The following CLASP1 variants were observed in gnomAD, a reference collection of about 807,000 sequenced individuals.
The protein encoded by CLASP1 is cytoplasmic linker associated protein 1.
A neutral mutation model predicts 192.3 loss-of-function variants in CLASP1; 38 were observed. The ratio of observed to expected loss-of-function variants is 0.20; its 90% CI spans 0.15 to 0.26. The LOEUF (loss-of-function observed/expected upper bound fraction) is 0.26, where lower values mean the gene tolerates loss of function less well. Ranked by LOEUF, CLASP1 falls within the 10% of genes least tolerant of loss-of-function variation. The pLI, the probability that CLASP1 is intolerant of heterozygous loss-of-function variation, is 1.00. For synonymous variants in CLASP1, 691 were observed against 712.8 expected (o/e 0.97, Z 0.49); for missense variants, 1,433 against 1,932.5 (o/e 0.74, Z 4.85).
At chr2:121,450,496 T>A (rs1370030578) in intron 16 of CLASP1, among the ~76,000 whole-genome samples, 1 of 152,168 alleles carries the variant, frequency 6.6e-6, no homozygotes, top group Non-Finnish European at 1.5e-5. Flanking sequence ...CCCCTTAATA[T>A]GATTCACACC....
At chr2:121,627,671 T>C (rs2068645383) in intron 1 of CLASP1, among the ~76,000 whole-genome samples, 1 of 152,188 alleles carries the variant, frequency 6.6e-6, no homozygotes, top group Non-Finnish European at 1.5e-5. Flanking sequence ...AGATTCATAC[T>C]CCTCAGTATG....
chr2:121,355,818 TATTCAAAGAGGACAGG>T (rs1228021546), intron 37 of CLASP1, among the ~76,000 whole-genome samples: 1 of 152,220 alleles, frequency 6.6e-6, no homozygotes, highest in Non-Finnish European at 1.5e-5. Flanking sequence ...GGTGAGGGAC[TATTCAAAGAGGACAGG>T]ATCAAAAAGA....
At chr2:121,624,050 G>A (rs547045252) in intron 1 of CLASP1, among the ~76,000 whole-genome samples, 3 of 151,836 alleles carry the variant, frequency 2.0e-5, no homozygotes, top group South Asian at 2.1e-4. Context: ...TATTAATCTA[G>A]CTCAAGGTTT....
intron 2 of CLASP1, among the ~76,000 whole-genome samples, chr2:121,592,646 G>GC (rs113575998): frequency 0.014 from 2,111 of 150,992 alleles, 51 homozygotes; most frequent in African/African-American, 0.048. Flanking sequence ...ATTAATAACT[G>GC]TTTTTTTTTG....
In CLASP1 at chr2:121,457,615, T is replaced by C. The variant is rs963808884; in HGVS notation, c.1385+72A>G. The stretch of plus-strand genomic sequence containing the variant: ...CATGTTATACATGAAATTTTATCCA[T>C]GGAAGGAGATTTGGAATTTGTTTTG... On this transcript the variant is annotated intron_variant, in intron 14 of 39. Coordinates refer to ENST00000263710, the Ensembl canonical transcript of CLASP1. 17 of 1,168,540 alleles carry C rather than the reference T, an allele frequency of 1.5e-5. No individual in the cohort carries two copies. The African/African-American group carries it at 1.5e-4, about 10-fold the overall frequency. 72.4% of individuals were successfully genotyped at this position (1,168,540 alleles called of 1,614,324 possible). A position where few individuals can be genotyped will look rare whatever the true frequency, so the allele number is the denominator to read the frequency against.
At position 121,378,928 on chromosome 2, in the gene CLASP1, T is replaced by A. The variant is rs117067620; in HGVS notation, c.3492-1279A>T. 2.7e-5 allele frequency among the ~76,000 whole-genome samples: 4 copies of A among 146,444 alleles called. No homozygotes were observed. In the East Asian group the frequency reaches 6.0e-4, roughly 22 times the overall value. The stretch of plus-strand genomic sequence containing the variant: ...TGAGTTTCCTGTAATGTAAAAATGA[T>A]GAACATTTAGTAAATACTCTTCCTT... On this transcript the variant is annotated intron_variant, in intron 33 of 39. Transcript: ENST00000263710.
chr2:121,461,036 A>T (rs985747928), intron 11 of CLASP1, 65 bp downstream of exon 11: 3 of 982,562 alleles, frequency 3.1e-6, no homozygotes, highest in African/African-American at 3.3e-5. Flanking sequence ...CAATTTCACA[A>T]TAAAGTATTT....
At chr2:121,483,292 A>T (rs1033839172) in intron 8 of CLASP1, among the ~76,000 whole-genome samples, 1 of 152,216 alleles carries the variant, frequency 6.6e-6, no homozygotes, top group Admixed American at 6.5e-5. Flanking sequence ...CTGTGGAAAC[A>T]GGATGACTAT....
At chr2:121,565,650 C>T (rs972318495) in intron 2 of CLASP1, among the ~76,000 whole-genome samples, 2 of 152,178 alleles carry the variant, frequency 1.3e-5, no homozygotes, top group African/African-American at 2.4e-5. Flanking sequence ...GCTGCAGAGA[C>T]AGCTGATGCC....
At chr2:121,351,201 C>T (rs192989865) in intron 37 of CLASP1, among the ~76,000 whole-genome samples, 85 of 152,318 alleles carry the variant, frequency 5.6e-4, no homozygotes, top group African/African-American at 2.0e-3. Flanking sequence ...AGCCCTTCTG[C>T]TGAACTACAA....
intron 2 of CLASP1, among the ~76,000 whole-genome samples, chr2:121,543,285 G>A (rs1158387447): frequency 1.3e-5 from 2 of 152,052 alleles, no homozygotes; most frequent in African/African-American, 4.8e-5. Flanking sequence ...AGGACAGTAA[G>A]GCCACATCTC....
exon 10 of CLASP1, chr2:121,462,548 T>A: frequency 6.3e-7 from 1 of 1,591,752 alleles, no homozygotes; most frequent in Non-Finnish European, 8.6e-7. Flanking sequence ...TACAGGTACA[T>A]CATCAAATGC....
In CLASP1 at chr2:121,460,183, C is replaced by T. The variant is rs145541320; in HGVS notation, c.1033-58G>A. 2.2e-3 allele frequency: 2,981 copies of T among 1,367,220 alleles called. 11 individuals carry two copies. The highest frequency in any genetic ancestry group is 3.5e-3 in the Middle Eastern group (17 of 4,910). 84.7% of individuals were successfully genotyped at this position (1,367,220 alleles called of 1,614,324 possible). ...AAACAATTCTAACACAGACTATACA[C>T]AACAAAAGAAGTCATCAAATACAAA... On this transcript the variant is annotated intron_variant, in intron 11 of 39. Coordinates refer to ENST00000263710, the Ensembl canonical transcript of CLASP1.
chr2:121,530,614 TCCCGCCCCCGCCAGC>T (rs1362379799), intron 2 of CLASP1: 2 of 530,286 alleles, frequency 3.8e-6, no homozygotes, highest in Non-Finnish European at 6.8e-6. Context: ...CGCGCCGCGG[TCCCGCCCCCGCCAGC>T]CCCGCCCCGG....
At chr2:121,632,588 T>C (rs1055255205) in intron 1 of CLASP1, among the ~76,000 whole-genome samples, 8 of 151,818 alleles carry the variant, frequency 5.3e-5, no homozygotes, top group African/African-American at 1.9e-4. Context: ...ATTTCCAAGA[T>C]ACATGAAGTT....
At chr2:121,466,133 T>C (rs1340729762) in intron 9 of CLASP1, among the ~76,000 whole-genome samples, 1 of 152,212 alleles carries the variant, frequency 6.6e-6, no homozygotes, top group East Asian at 1.9e-4. Flanking sequence ...ATTAGAAAGA[T>C]TGTTCAGGCA....
chr2:121,542,306 C>T (rs2095251342), intron 2 of CLASP1, among the ~76,000 whole-genome samples: 1 of 152,192 alleles, frequency 6.6e-6, no homozygotes, highest in Admixed American at 6.5e-5. Context: ...ACACTGTATA[C>T]TATACTGTTA....
chr2:121,444,835 T>C, intron 19 of CLASP1: 1 of 668,056 alleles, frequency 1.5e-6, no homozygotes, highest in Non-Finnish European at 2.4e-6. Flanking sequence ...CAACATCTCA[T>C]GCAGGGACCT....
chr2:121,515,585 T>C lies in CLASP1; in HGVS notation c.644+80A>G, dbSNP rs2094266137. 15 of 1,019,622 alleles carry C rather than the reference T, an allele frequency of 1.5e-5. No homozygotes were observed. In the South Asian group the frequency reaches 1.9e-4, roughly 13 times the overall value. 63.2% of individuals were successfully genotyped at this position (1,019,622 alleles called of 1,614,324 possible). On this transcript the variant is annotated intron_variant, in intron 7 of 39. Transcript: ENST00000263710. ...AAAATAACCACAACAGAAAAAGTATTGCAAATCAAGATATTAACTGGAAAA... is the reference window on the plus strand; with the variant it reads ...AAAATAACCACAACAGAAAAAGTATCGCAAATCAAGATATTAACTGGAAAA...
Sources: allele counts gnomAD v4.1 joint callset (sites outside exome capture counted in the v4.1 genomes callset), GRCh38; gene constraint gnomAD v4.1.1; transcripts MANE v1.5; gene names NCBI Gene and HGNC (gene_info 2026-07-23, HGNC 2026-07-21).